Variants in C9 observed in about 807,000 individuals in gnomAD.
C9 encodes the protein complement component C9.
In C9, 63 loss-of-function variants were observed where a neutral mutation model predicts 65.4. The observed-to-expected ratio is 0.96, with a 90% CI of 0.79 to 1.19. The LOEUF is 1.19. C9 is among the 50% of genes most tolerant of loss of function. The probability of loss-of-function intolerance (pLI) is 0.00; values close to 1 mark genes in which losing one functional copy is unlikely to be tolerated. For missense variants in C9, 744 were observed against 670.1 expected, an observed-to-expected ratio of 1.11 and a Z score of -1.22; for synonymous variants, 229 against 227.9, an observed-to-expected ratio of 1.00 and a Z score of -0.04.
chr5:39,335,316 ACT>A (rs1417321271), intron 4 of C9, among the ~76,000 whole-genome samples: 1 of 152,206 alleles, frequency 6.6e-6, no homozygotes, highest in Non-Finnish European at 1.5e-5. Context: ...GTTTATATTC[ACT>A]CTCTGCTTCC....
chr5:39,338,889 G>T (rs987881444), intron 4 of C9, among the ~76,000 whole-genome samples: 1 of 152,166 alleles, frequency 6.6e-6, no homozygotes, highest in Non-Finnish European at 1.5e-5. Context: ...GAAACCAATA[G>T]ATTATGAATG....
At position 39,322,781 on chromosome 5, in the gene C9, A is replaced by G. The variant is rs542643908; in HGVS notation, c.616-6752T>C. Among the ~76,000 whole-genome samples the G allele has an allele frequency of 3.9e-4, 60 of 152,236 alleles. 2 individuals carry two copies. The highest frequency in any genetic ancestry group is 3.1e-3 in the South Asian group (15 of 4,828). On this transcript the variant is annotated intron_variant, in intron 5 of 10. Transcript: ENST00000263408. Reference sequence around the variant, plus strand: ...TGTACAAACTATTTCCCTTGTCATTATCTTCTAAACATTACAGTATAACAA... The same window carrying G: ...TGTACAAACTATTTCCCTTGTCATTGTCTTCTAAACATTACAGTATAACAA...
At chr5:39,354,568 T>C (rs913536591) in intron 1 of C9, among the ~76,000 whole-genome samples, 6 of 152,168 alleles carry the variant, frequency 3.9e-5, no homozygotes, top group African/African-American at 1.4e-4. Flanking sequence ...TACCCAAGAT[T>C]GAAACCACCA....
chr5:39,295,726 A>AAAC (rs370261450), intron 9 of C9, among the ~76,000 whole-genome samples: 97 of 151,772 alleles, frequency 6.4e-4, no homozygotes, highest in Middle Eastern at 3.4e-3. Context: ...AATCTTAAAC[A>AAAC]AACAACAACA....
chr5:39,343,077 C>T (rs979151585), intron 1 of C9, among the ~76,000 whole-genome samples: 3 of 152,184 alleles, frequency 2.0e-5, no homozygotes, highest in Non-Finnish European at 2.9e-5. Context: ...ACAGGAACAG[C>T]TCGTTTACAG....
intron 1 of C9, among the ~76,000 whole-genome samples, chr5:39,346,198 C>CA (rs545098440): frequency 1.4e-3 from 207 of 152,120 alleles, no homozygotes; most frequent in Middle Eastern, 3.4e-3. Flanking sequence ...CATAGAGACA[C>CA]AAAAAACCCT....
At chr5:39,319,719 C>T (rs898682244) in intron 5 of C9, among the ~76,000 whole-genome samples, 8 of 152,166 alleles carry the variant, frequency 5.3e-5, no homozygotes, top group African/African-American at 1.9e-4. Context: ...AAAGCCAGCC[C>T]TATTGGCCCC....
At position 39,334,588 on chromosome 5, in the gene C9, G is replaced by A. The variant is rs370220984; in HGVS notation, c.477-2774C>T. 4.4e-4 allele frequency among the ~76,000 whole-genome samples: 65 copies of A among 148,208 alleles called. 2 individuals are homozygous for A. The East Asian group carries it at 5.6e-3, about 13-fold the overall frequency. ...AGGTGGGGGGGTCAGCCCCCCGCCC[G>A]GCCAGCTGCCCCGTCTGGGAGGTGA... On this transcript the variant is annotated intron_variant, in intron 4 of 10. Coordinates refer to ENST00000263408, the MANE Select transcript of C9 (RefSeq NM_001737.5).
At chr5:39,306,293 A>G (rs1009985159) in intron 9 of C9, among the ~76,000 whole-genome samples, 2 of 152,136 alleles carry the variant, frequency 1.3e-5, no homozygotes, top group Non-Finnish European at 2.9e-5. Context: ...GTGAGTACCT[A>G]TCTTGTTACA....
chr5:39,306,617 T>C lies in C9; in HGVS notation c.1416A>G (p.Lys472=). 1 of 1,610,826 alleles carries C rather than the reference T, an allele frequency of 6.2e-7. No homozygotes were observed. The highest frequency in any genetic ancestry group is 8.5e-7 in the Non-Finnish European group (1 of 1,177,054). ...GTTTGAAAATAAACACGTTTCTTAC[T>C]TTTTGACTAATGAGAACAGGAGCAT... ...INDAPVLISQ[K]LSPIYNLVPV... is the part of the protein sequence containing the mutation. Residue 472 remains lysine (K), a splice_region_variant and synonymous_variant, in exon 9 of 11, where the codon AAA becomes AAG. Transcript: ENST00000263408.
At position 39,306,619 on chromosome 5, in the gene C9, T is replaced by C; in HGVS notation, c.1414A>G (p.Lys472Glu). 6.2e-7 allele frequency: 1 copy of C among 1,611,406 alleles called. No individual in the cohort carries two copies. The highest frequency in any genetic ancestry group is 8.5e-7 in the Non-Finnish European group (1 of 1,177,590). ...TTGAAAATAAACACGTTTCTTACTT[T>C]TTGACTAATGAGAACAGGAGCATCA... Reference protein sequence around the residue: ...INDAPVLISQKLSPIYNLVPV... With the variant: ...INDAPVLISQELSPIYNLVPV... The change falls in exon 9 of 11, where the codon AAA becomes GAA. Residue 472 changes from lysine to glutamate, a missense_variant and splice_region_variant. Transcript: ENST00000263408.
chr5:39,362,942 A>T (rs544609329), intron 1 of C9, among the ~76,000 whole-genome samples: 1 of 152,226 alleles, frequency 6.6e-6, no homozygotes, highest in East Asian at 1.9e-4. Context: ...GCTGGGGTCC[A>T]GCTAATGGGG....
intron 10 of C9, among the ~76,000 whole-genome samples, chr5:39,287,852 T>C (rs1444087306): frequency 6.6e-6 from 1 of 151,740 alleles, no homozygotes; most frequent in Admixed American, 6.6e-5. Context: ...GGGATGAGGG[T>C]TGAAAAATTA....
At position 39,341,130 on chromosome 5, in the gene C9, C is replaced by A; in HGVS notation, c.476+16G>T. The A allele has an allele frequency of 1.2e-6, 2 of 1,613,838 alleles. No homozygotes were observed. Among genetic ancestry groups the A allele is most frequent in the Non-Finnish European group, 1.7e-6 (2 of 1,179,758 alleles). On this transcript the variant is annotated intron_variant, in intron 4 of 10. Coordinates refer to ENST00000263408, the MANE Select transcript of C9 (RefSeq NM_001737.5). ...TCACTCATTTTCATCTGAAAAAGTA[C>A]AAGTAAAATACACACCCATAGCCTG...
At chr5:39,323,968 G>GT (rs1753706262) in intron 5 of C9, among the ~76,000 whole-genome samples, 1 of 152,100 alleles carries the variant, frequency 6.6e-6, no homozygotes, top group African/African-American at 2.4e-5. Context: ...ATTCAGTAAA[G>GT]TTGCAGGATA....
intron 4 of C9, 112 bp downstream of exon 4, chr5:39,341,034 G>T: frequency 1.8e-6 from 2 of 1,140,440 alleles, no homozygotes; most frequent in Non-Finnish European, 2.7e-6. Context: ...AGACCCATCA[G>T]CTGTATCACC....
chr5:39,323,171 C>T (rs1272651099), intron 5 of C9, among the ~76,000 whole-genome samples: 1 of 151,870 alleles, frequency 6.6e-6, no homozygotes, highest in Non-Finnish European at 1.5e-5. Flanking sequence ...ATCAGTACTA[C>T]AAAAAGTCTC....
intron 4 of C9, among the ~76,000 whole-genome samples, chr5:39,337,972 T>A (rs1754001178): frequency 1.3e-5 from 2 of 152,242 alleles, no homozygotes; most frequent in South Asian, 4.1e-4. Context: ...TTTATAAGCA[T>A]GTTGCTATGA....
chr5:39,305,546 G>A (rs1445061996), intron 9 of C9, among the ~76,000 whole-genome samples: 1 of 151,876 alleles, frequency 6.6e-6, no homozygotes, highest in Non-Finnish European at 1.5e-5. Context: ...TAAAACATAC[G>A]GCGAAAATTG....
Sources: gnomAD v4.1 joint callset for allele counts (sites outside exome capture counted in the v4.1 genomes callset) on GRCh38, gnomAD v4.1.1 for gene constraint, MANE v1.5 for transcripts, NCBI Gene and HGNC (gene_info 2026-07-23, HGNC 2026-07-21) for gene names.